The following ARHGEF12 variants were observed in gnomAD, a reference collection of about 807,000 sequenced individuals.
The protein encoded by ARHGEF12 is Rho guanine nucleotide exchange factor 12.
In ARHGEF12, 66 loss-of-function variants were observed where a neutral mutation model predicts 211.2. The observed-to-expected ratio is 0.31, with a 90% CI of 0.26 to 0.38. The LOEUF (loss-of-function observed/expected upper bound fraction) is 0.38. ARHGEF12 is among the 10% of genes least tolerant of loss of function. The pLI is 1.00. For missense variants in ARHGEF12, 1,429 were observed against 1,869.5 expected (o/e 0.76, Z 4.34); for synonymous variants, 592 against 638.4 (o/e 0.93, Z 1.09).
intron 4 of ARHGEF12, among the ~76,000 whole-genome samples, chr11:120,413,134 T>G (rs1944936545): frequency 6.6e-6 from 1 of 152,204 alleles, no homozygotes; most frequent in African/African-American, 2.4e-5. Context: ...ATGCCACAAT[T>G]TGTTTCCAAT....
Position 120,480,057 on chromosome 11 carries a change from T to C in ARHGEF12, c.3864T>C (p.Ser1288=), listed in dbSNP as rs1305357416. The C allele has an allele frequency of 1.9e-6, 3 of 1,614,048 alleles. No individual in the cohort carries two copies. In the African/African-American group the frequency reaches 4.0e-5, roughly 22 times the overall value. ...ATTTCCCAAGATACAGAACAGCCTC[T>C]CAGGGGCCGCAGACAGACAGTGTCA... The part of the protein sequence containing the change: ...WQHFPRYRTA[S]QGPQTDSVIQ... The change falls in exon 38 of 41, where the codon TCT becomes TCC. Residue 1288 remains serine (S), a synonymous_variant. Coordinates refer to ENST00000397843, the MANE Select transcript of ARHGEF12 (RefSeq NM_015313.3).
intron 26 of ARHGEF12, among the ~76,000 whole-genome samples, chr11:120,459,640 T>C (rs545238731): frequency 6.6e-6 from 1 of 152,244 alleles, no homozygotes; most frequent in African/African-American, 2.4e-5. Context: ...AATATAATAA[T>C]ATACGTATAA....
intron 4 of ARHGEF12, 93 bp from the exon 5 acceptor site, chr11:120,420,660 G>C (rs1195893560): frequency 9.4e-7 from 1 of 1,060,390 alleles, no homozygotes; most frequent in Admixed American, 2.2e-5. Context: ...TGTTTCTCCA[G>C]ATGGAACACA....
intron 1 of ARHGEF12, among the ~76,000 whole-genome samples, chr11:120,371,159 A>G (rs751629472): frequency 6.6e-6 from 1 of 152,152 alleles, no homozygotes; most frequent in Non-Finnish European, 1.5e-5. Flanking sequence ...AAAAATGCCA[A>G]TTTCCCCCAA....
intron 30 of ARHGEF12, among the ~76,000 whole-genome samples, chr11:120,472,677 T>C (rs1036818814): frequency 6.6e-6 from 1 of 151,728 alleles, no homozygotes; most frequent in African/African-American, 2.4e-5. Context: ...TTTTTTGAGA[T>C]GGAGTCTTGC....
At position 120,460,842 on chromosome 11, in the gene ARHGEF12, T is replaced by C. The variant is rs180915215; in HGVS notation, c.2613+85T>C. 56 of 1,152,106 alleles carry C rather than the reference T, an allele frequency of 4.9e-5. 2 individuals are homozygous for C. The East Asian group carries it at 8.0e-4, about 16-fold the overall frequency. The allele number at this position is 1,152,106 out of a possible 1,614,324, so 71.4% of individuals were successfully genotyped here. A position where few individuals can be genotyped will look rare whatever the true frequency, so the allele number is the denominator to read the frequency against. On this transcript the variant is annotated intron_variant, in intron 27 of 40. Coordinates refer to ENST00000397843, the MANE Select transcript of ARHGEF12 (RefSeq NM_015313.3). ...GTTGAGTAACTAACCTTTCCAAATA[T>C]GCAAACTCATCCATGTTGCAAAGTT...
intron 1 of ARHGEF12, among the ~76,000 whole-genome samples, chr11:120,341,104 C>T (rs1224677675): frequency 1.3e-5 from 2 of 152,102 alleles, no homozygotes; most frequent in East Asian, 1.9e-4. Context: ...CTGTCACCCA[C>T]GGTGGAGTGC....
chr11:120,377,204 C>G (rs1351603031), intron 1 of ARHGEF12, among the ~76,000 whole-genome samples: 2 of 152,206 alleles, frequency 1.3e-5, no homozygotes, highest in African/African-American at 4.8e-5. Context: ...TTAACCACCA[C>G]AACCAGCATA....
At chr11:120,358,277 G>A (rs1221430178) in intron 1 of ARHGEF12, among the ~76,000 whole-genome samples, 12 of 152,120 alleles carry the variant, frequency 7.9e-5, no homozygotes, top group Admixed American at 7.2e-4. Flanking sequence ...AAAGCGAAGA[G>A]ACAAAGTTAT....
intron 1 of ARHGEF12, among the ~76,000 whole-genome samples, chr11:120,356,425 C>G (rs1249059956): frequency 6.6e-6 from 1 of 152,128 alleles, no homozygotes; most frequent in Non-Finnish European, 1.5e-5. Context: ...ACCATGTTTG[C>G]CCAGCTAGTC....
intron 20 of ARHGEF12, 42 bp downstream of exon 20, chr11:120,448,390 C>A: frequency 1.3e-6 from 2 of 1,483,368 alleles, no homozygotes; most frequent in Non-Finnish European, 1.9e-6. Context: ...GGCCTTAGGG[C>A]TTCTTTACAT....
intron 39 of ARHGEF12, 133 bp downstream of exon 39, chr11:120,481,709 T>C (rs986482359): frequency 2.5e-6 from 2 of 812,032 alleles, no homozygotes; most frequent in Non-Finnish European, 3.8e-6. Flanking sequence ...TATCCATGAA[T>C]AGGCCTGGGT....
intron 36 of ARHGEF12, 72 bp from the exon 37 acceptor site, chr11:120,478,084 C>A: frequency 1.5e-5 from 14 of 918,950 alleles, no homozygotes; most frequent in South Asian, 1.7e-5. Context: ...TCTGATTCTT[C>A]CCTGAATGCT....
intron 30 of ARHGEF12, among the ~76,000 whole-genome samples, chr11:120,471,410 T>A (rs1040840608): frequency 2.0e-5 from 3 of 152,150 alleles, no homozygotes; most frequent in Non-Finnish European, 4.4e-5. Flanking sequence ...GACCAAACTA[T>A]TCTATGGTAG....
intron 1 of ARHGEF12, among the ~76,000 whole-genome samples, chr11:120,374,565 T>C (rs1943673374): frequency 6.6e-6 from 1 of 152,190 alleles, no homozygotes; most frequent in African/African-American, 2.4e-5. Flanking sequence ...CAATCTCCTC[T>C]GGGGTAGATG....
At chr11:120,386,475 G>A (rs1451941439) in intron 1 of ARHGEF12, among the ~76,000 whole-genome samples, 2 of 152,044 alleles carry the variant, frequency 1.3e-5, no homozygotes, top group Non-Finnish European at 2.9e-5. Context: ...TTTCCATCAT[G>A]GTGATATGAG....
At chr11:120,427,925 A>T (rs1285653150) in intron 7 of ARHGEF12, 144 bp from the exon 8 acceptor site, 2 of 597,026 alleles carry the variant, frequency 3.3e-6, no homozygotes, top group Non-Finnish European at 5.3e-6. Flanking sequence ...TTTTCTGTGG[A>T]GACATGATGT....
At chr11:120,391,307 G>C (rs931943924) in intron 1 of ARHGEF12, among the ~76,000 whole-genome samples, 5 of 152,166 alleles carry the variant, frequency 3.3e-5, no homozygotes, top group Non-Finnish European at 5.9e-5. Context: ...TTGTTCTGAT[G>C]ATGAGCTTAT....
chr11:120,399,348 A>G (rs960694345), intron 1 of ARHGEF12, among the ~76,000 whole-genome samples: 3 of 149,142 alleles, frequency 2.0e-5, no homozygotes, highest in East Asian at 1.9e-4. Flanking sequence ...AAAAAAAAAA[A>G]AAAGAAAAGA....
Sources: gnomAD v4.1 joint callset for allele counts (sites outside exome capture counted in the v4.1 genomes callset) on GRCh38, gnomAD v4.1.1 for gene constraint, MANE v1.5 for transcripts, NCBI Gene and HGNC (gene_info 2026-07-23, HGNC 2026-07-21) for gene names.